The following ARHGAP15 variants were observed in gnomAD, a reference collection of about 807,000 sequenced individuals.
ARHGAP15 encodes rho GTPase-activating protein 15.
A neutral mutation model predicts 63.7 loss-of-function variants in ARHGAP15; 51 were observed. The observed-to-expected ratio is 0.80, with a 90% CI of 0.64 to 1.01. ARHGAP15 has a LOEUF of 1.01. ARHGAP15 is among the 50% of genes least tolerant of loss of function. The pLI is 0.00. For missense variants in ARHGAP15, 560 were observed against 564.6 expected (o/e 0.99, Z 0.08); for synonymous variants, 191 against 193.8 (o/e 0.99, Z 0.12).
chr2:143,254,826 A>T (rs542037341), intron 6 of ARHGAP15, among the ~76,000 whole-genome samples: 1 of 151,692 alleles, frequency 6.6e-6, no homozygotes, highest in South Asian at 2.1e-4. Flanking sequence ...CTAAGGGTAC[A>T]GTTGCATTCC....
intron 10 of ARHGAP15, among the ~76,000 whole-genome samples, chr2:143,538,011 G>A (rs1318343369): frequency 6.6e-6 from 1 of 152,200 alleles, no homozygotes; most frequent in African/African-American, 2.4e-5. Flanking sequence ...CTACCCATGA[G>A]CATAGAATAT....
chr2:143,461,152 C>T (rs992358370), intron 8 of ARHGAP15, among the ~76,000 whole-genome samples: 1 of 151,310 alleles, frequency 6.6e-6, no homozygotes, highest in Non-Finnish European at 1.5e-5. Flanking sequence ...TAGCCAGGCA[C>T]GGTGGCGCAC....
chr2:143,542,454 A>T (rs547929912), intron 10 of ARHGAP15, among the ~76,000 whole-genome samples: 2 of 151,606 alleles, frequency 1.3e-5, no homozygotes, highest in African/African-American at 4.9e-5. Flanking sequence ...GAAATCACCC[A>T]TCTTCTGCGT....
chr2:143,538,368 T>C (rs1383193344), intron 10 of ARHGAP15, among the ~76,000 whole-genome samples: 2 of 152,348 alleles, frequency 1.3e-5, no homozygotes, highest in African/African-American at 4.8e-5. Flanking sequence ...AAATGCCCTT[T>C]ATTTCCTTCT....
chr2:143,540,780 C>T (rs1164099288), intron 10 of ARHGAP15, among the ~76,000 whole-genome samples: 2 of 152,148 alleles, frequency 1.3e-5, no homozygotes, highest in Non-Finnish European at 2.9e-5. Context: ...TTGTGGTTAA[C>T]CTGACCTTTC....
chr2:143,634,512 T>C (rs1450146581), intron 12 of ARHGAP15, among the ~76,000 whole-genome samples: 1 of 152,196 alleles, frequency 6.6e-6, no homozygotes, highest in Non-Finnish European at 1.5e-5. Flanking sequence ...TCAAGTTCAC[T>C]GGTATTATCA....
At chr2:143,448,840 T>C (rs769824601) in intron 8 of ARHGAP15, among the ~76,000 whole-genome samples, 1 of 152,008 alleles carries the variant, frequency 6.6e-6, no homozygotes, top group Non-Finnish European at 1.5e-5. Context: ...GTGATTCCCA[T>C]GCACATTAAA....
intron 6 of ARHGAP15, among the ~76,000 whole-genome samples, chr2:143,290,807 C>T (rs1172020389): frequency 6.6e-6 from 1 of 151,930 alleles, no homozygotes; most frequent in Non-Finnish European, 1.5e-5. Flanking sequence ...GCTGAGGATA[C>T]AAAAGAGATT....
At chr2:143,389,830 G>A (rs139497987) in intron 6 of ARHGAP15, among the ~76,000 whole-genome samples, 1,737 of 152,194 alleles carry the variant, frequency 0.011, 15 homozygotes, top group Non-Finnish European at 0.017. Flanking sequence ...GCTTCCTGCC[G>A]TTGTTGTTTA....
At chr2:143,496,678 C>G (rs924670938) in intron 9 of ARHGAP15, among the ~76,000 whole-genome samples, 3 of 152,178 alleles carry the variant, frequency 2.0e-5, no homozygotes, top group African/African-American at 7.2e-5. Context: ...ACATTTCTTT[C>G]ACATTAAATC....
At chr2:143,233,167 G>T (rs1307698991) in intron 5 of ARHGAP15, among the ~76,000 whole-genome samples, 1 of 151,678 alleles carries the variant, frequency 6.6e-6, no homozygotes, top group Non-Finnish European at 1.5e-5. Flanking sequence ...GTTTACATTT[G>T]CCTAATATTT....
chr2:143,376,482 C>T (rs769815266), intron 6 of ARHGAP15, among the ~76,000 whole-genome samples: 6 of 152,088 alleles, frequency 3.9e-5, no homozygotes, highest in Admixed American at 6.6e-5. Context: ...AATCAGGATC[C>T]GGACCAGAAG....
intron 4 of ARHGAP15, among the ~76,000 whole-genome samples, chr2:143,220,269 C>A (rs1375683617): frequency 6.6e-6 from 1 of 152,180 alleles, no homozygotes; most frequent in Non-Finnish European, 1.5e-5. Context: ...GTCACCCAGG[C>A]TGGAGTGCAG....
intron 13 of ARHGAP15, among the ~76,000 whole-genome samples, chr2:143,762,317 A>G (rs1162422433): frequency 3.3e-5 from 5 of 152,164 alleles, no homozygotes; most frequent in African/African-American, 1.2e-4. Flanking sequence ...CATTCAGATT[A>G]GTTCTTTTGC....
At chr2:143,483,523 A>G (rs1228664341) in intron 8 of ARHGAP15, among the ~76,000 whole-genome samples, 1 of 152,218 alleles carries the variant, frequency 6.6e-6, no homozygotes, top group Non-Finnish European at 1.5e-5. Context: ...GTGTCATTCC[A>G]AAGATGGACT....
At chr2:143,736,848 A>T (rs1012065766) in intron 13 of ARHGAP15, among the ~76,000 whole-genome samples, 4 of 152,182 alleles carry the variant, frequency 2.6e-5, no homozygotes, top group Non-Finnish European at 4.4e-5. Flanking sequence ...CCCAACCAAC[A>T]TCTATCATGA....
rs77874722 is a variant in ARHGAP15 at position 143,580,551 on chromosome 2, C to T, written c.1003+24066C>T. On this transcript the variant is annotated intron_variant, in intron 11 of 13. Coordinates refer to ENST00000295095, the MANE Select transcript of ARHGAP15 (RefSeq NM_018460.4). ...CTCTTGCTTAGCCCATTTTTCAAAA[C>T]TCCACTGAGGTTCCAAGTTCCTGTG... 1.6e-3 allele frequency among the ~76,000 whole-genome samples: 249 copies of T among 152,218 alleles called. 2 individuals are homozygous for T. The highest frequency in any genetic ancestry group is 5.8e-3 in the African/African-American group (241 of 41,538).
intron 12 of ARHGAP15, among the ~76,000 whole-genome samples, chr2:143,699,146 G>A (rs1034874320): frequency 5.9e-5 from 9 of 151,936 alleles, no homozygotes; most frequent in South Asian, 4.1e-4. Context: ...GTGTCATTTC[G>A]ATTTTAATGT....
chr2:143,567,042 A>AT (rs1696257517), intron 11 of ARHGAP15, among the ~76,000 whole-genome samples: 1 of 151,880 alleles, frequency 6.6e-6, no homozygotes, highest in South Asian at 2.1e-4. Flanking sequence ...CGCCTGGCTA[A>AT]TTTTTTGTAT....
Sources: allele counts gnomAD v4.1 joint callset (sites outside exome capture counted in the v4.1 genomes callset), GRCh38; gene constraint gnomAD v4.1.1; transcripts MANE v1.5; gene names NCBI Gene and HGNC (gene_info 2026-07-23, HGNC 2026-07-21).